PLA2G4B: variants seen among roughly 807,000 people sequenced by gnomAD.
The protein encoded by PLA2G4B is phospholipase A2 group IVB, also known as cytosolic phospholipase A2 beta.
PLA2G4B carries 122 observed loss-of-function variants against 95.8 expected under a neutral mutation model. The ratio of observed to expected loss-of-function variants is 1.27; its 90% CI spans 1.10 to 1.48. The LOEUF is 1.48. PLA2G4B is among the 40% of genes most tolerant of loss of function. PLA2G4B has a pLI of 0.00. For synonymous variants in PLA2G4B, 518 were observed against 421.5 expected (o/e 1.23, Z -2.80); for missense variants, 1,158 against 996.2 (o/e 1.16, Z -2.19).
chr15:41,842,486 A>T (rs2065451735), intron 9 of PLA2G4B, 68 bp from the exon 10 acceptor site: 1 of 1,598,338 alleles, frequency 6.3e-7, no homozygotes, highest in Non-Finnish European at 8.5e-7. Flanking sequence ...GCCGGGGATC[A>T]GGGTAAGAGG....
Position 41,846,655 on chromosome 15 carries a change from C to G in PLA2G4B, c.1781-14C>G. The G allele has an allele frequency of 6.3e-7, 1 of 1,597,748 alleles. No individual in the cohort carries two copies. Among genetic ancestry groups the G allele is most frequent in the Non-Finnish European group, 8.6e-7 (1 of 1,169,132 alleles). On this transcript the variant is annotated splice_polypyrimidine_tract_variant and intron_variant, in intron 17 of 19. Transcript: ENST00000458483. ...TGGTATCTGTGACAATTGCTGCTCTCCCCAACCTTCCAGCTACCACTCTGG... is the reference window on the plus strand; with the variant it reads ...TGGTATCTGTGACAATTGCTGCTCTGCCCAACCTTCCAGCTACCACTCTGG...
At chr15:41,840,261 G>A in intron 2 of PLA2G4B, 31 bp downstream of exon 2, 3 of 1,611,080 alleles carry the variant, frequency 1.9e-6, no homozygotes, top group East Asian at 4.5e-5. Flanking sequence ...CCCCTGTGCT[G>A]GGCTGAGGGA....
Position 41,841,585 on chromosome 15 carries a change from C to G in PLA2G4B, c.490+14C>G. The G allele has an allele frequency of 6.2e-7, 1 of 1,613,952 alleles. No homozygotes were observed. The highest frequency in any genetic ancestry group is 8.5e-7 in the Non-Finnish European group (1 of 1,179,964). On this transcript the variant is annotated intron_variant, in intron 7 of 19. Coordinates refer to ENST00000458483, the MANE Select transcript of PLA2G4B (RefSeq NM_001114633.2). The stretch of plus-strand genomic sequence containing the variant: ...GAGACCAGAAGTGTGAGTCCCCAAC[C>G]CACTGGGACAGCCCCTGGCTCTCAG...
At position 41,845,909 on chromosome 15, in the gene PLA2G4B, C is replaced by T. The variant is rs766552301; in HGVS notation, c.1496-34C>T. 5.5e-5 allele frequency: 84 copies of T among 1,514,698 alleles called. No individual in the cohort carries two copies. In the Middle Eastern group the frequency reaches 5.7e-4, roughly 10 times the overall value. The allele number at this position is 1,514,698 out of a possible 1,614,324, so 93.8% of individuals were successfully genotyped here. On this transcript the variant is annotated intron_variant, in intron 15 of 19. Coordinates refer to ENST00000458483, the MANE Select transcript of PLA2G4B (RefSeq NM_001114633.2). ...GGAAGGGTAGGATTGGGACAAGAGT[C>T]GGGGGCCCTCTTCCCTCACGGCCGC... is the stretch of plus-strand genomic sequence containing the variant.
In PLA2G4B at chr15:41,841,433, C is replaced by T. The variant is rs2065430191; in HGVS notation, c.436-84C>T. ...AAGGGCCCAGGTAATGAAGTGCAGACCAGCAGCAGCCAGGGTGCTGCGAGG... is the reference window on the plus strand; with the variant it reads ...AAGGGCCCAGGTAATGAAGTGCAGATCAGCAGCAGCCAGGGTGCTGCGAGG... On this transcript the variant is annotated intron_variant, in intron 6 of 19. Transcript: ENST00000458483. 3.1e-6 allele frequency: 5 copies of T among 1,610,916 alleles called. No homozygotes were observed. In the Admixed American group the frequency reaches 8.3e-5, roughly 27 times the overall value.
Position 41,841,534 on chromosome 15 carries a change from C to T in PLA2G4B, c.453C>T (p.Cys151=), listed in dbSNP as rs1056033053. 1 of 1,614,090 alleles carries T rather than the reference C, an allele frequency of 6.2e-7. No homozygotes were observed. The highest frequency in any genetic ancestry group is 8.5e-7 in the Non-Finnish European group (1 of 1,179,998). ...TGACTCAGGCCCGGGAGCTCTCCTGCTTGCACGTTCAACTGGAGGAGACAG... is the reference window on the plus strand; with the variant it reads ...TGACTCAGGCCCGGGAGCTCTCCTGTTTGCACGTTCAACTGGAGGAGACAG... ...NGVLVARELS[C]LHVQLEETGD... The change falls in exon 7 of 20, where the codon TGC becomes TGT. Residue 151 remains cysteine (C), a synonymous_variant. Coordinates refer to ENST00000458483, the MANE Select transcript of PLA2G4B (RefSeq NM_001114633.2).
Position 41,844,948 on chromosome 15 carries a change from G to T in PLA2G4B, c.1117G>T (p.Val373Leu). 1 of 1,612,100 alleles carries T rather than the reference G, an allele frequency of 6.2e-7. No individual in the cohort carries two copies. Among genetic ancestry groups the T allele is most frequent in the Non-Finnish European group, 8.5e-7 (1 of 1,179,310 alleles). The part of the protein sequence containing the change: ...KTQVTKNKLG[V>L]LAPSQLQRYR... The stretch of plus-strand genomic sequence containing the variant: ...CCAGGTGACCAAGAACAAGCTGGGT[G>T]TGCTGGCCCCCAGCCAGCTGCAGCG... Residue 373 changes from valine to leucine, a missense_variant, in exon 13 of 20, where the codon GTG becomes TTG. By Grantham distance (32) the Val-to-Leu change is conservative (BLOSUM62 1). Transcript: ENST00000458483.
At chr15:41,845,167 C>T (rs775930413) in intron 13 of PLA2G4B, 36 bp from the exon 14 acceptor site, 10 of 1,613,008 alleles carry the variant, frequency 6.2e-6, no homozygotes, top group Non-Finnish European at 8.5e-6. Context: ...GGCACCCAGG[C>T]CGCTGTGGGT....
chr15:41,845,897 TG>T (rs756803503), intron 15 of PLA2G4B, 45 bp from the exon 16 acceptor site: 2 of 1,516,488 alleles, frequency 1.3e-6, no homozygotes, highest in Non-Finnish European at 1.8e-6. Context: ...AGGGTAGGAT[TG>T]GGACAAGAGT....
In PLA2G4B at chr15:41,847,642, T is replaced by C. The variant is rs372706702; in HGVS notation, c.2135-7T>C. 1.2e-5 allele frequency: 20 copies of C among 1,613,370 alleles called. No homozygotes were observed. The South Asian group carries it at 1.6e-4, about 13-fold the overall frequency. On this transcript the variant is annotated splice_region_variant and splice_polypyrimidine_tract_variant and intron_variant, in intron 19 of 19. Coordinates refer to ENST00000458483, the MANE Select transcript of PLA2G4B (RefSeq NM_001114633.2). ...GTTCCCCATGCCAGGCTGCACTCTC[T>C]CCACAGGGGTCCGGCGGACACCCGA...
Position 41,840,587 on chromosome 15 carries a change from C to G in PLA2G4B, c.146C>G (p.Thr49Arg). ...ACGGCCTGCAGCCACAGGCTCCAGA[C>G]ACGCACGGTCAAGAACAGCAGTAGC... ...LPTACSHRLQ[T>R]RTVKNSSSPV... Residue 49 changes from threonine to arginine, a missense_variant, in exon 3 of 20, where the codon ACA becomes AGA. Physicochemically the swap from Thr to Arg is moderately conservative, Grantham distance 71 (BLOSUM62 -1). Transcript: ENST00000458483. 1 of 1,614,018 alleles carries G rather than the reference C, an allele frequency of 6.2e-7. No homozygotes were observed. The highest frequency in any genetic ancestry group is 1.1e-5 in the South Asian group (1 of 91,088).
In PLA2G4B at chr15:41,845,712, T is replaced by A; in HGVS notation, c.1432T>A (p.Ser478Thr). 6.2e-7 allele frequency: 1 copy of A among 1,613,186 alleles called. No individual in the cohort carries two copies. Among genetic ancestry groups the A allele is most frequent in the Non-Finnish European group, 8.5e-7 (1 of 1,179,658 alleles). ...GAFIPSELFG[S>T]EFFMGQLMKR... ...CTTCATCCCCTCTGAGCTCTTTGGC[T>A]CCGAGTTCTTTATGGGGCAGCTGAT... The change falls in exon 15 of 20, where the codon TCC becomes ACC. Residue 478 changes from serine to threonine, a missense_variant. Ser to Thr is a moderately conservative substitution (Grantham distance 58). Coordinates refer to ENST00000458483, the MANE Select transcript of PLA2G4B (RefSeq NM_001114633.2).
rs753441242 is a variant in PLA2G4B, at chr15:41,846,235, G to A, written c.1633G>A (p.Glu545Lys). The change falls in exon 17 of 20, where the codon GAA (glutamate) becomes AAA (lysine). Residue 545 changes from glutamate (E) to lysine (K), a missense_variant. Coordinates refer to ENST00000458483, the MANE Select transcript of PLA2G4B (RefSeq NM_001114633.2). ...KEQVPLLKIE[E>K]PPSTAGRIAE... is the part of the protein sequence containing the mutation. ...GCAGGTCCCCCTTCTGAAGATAGAA[G>A]AACCACCCTCAACAGCCGGCAGGAT... 1.2e-6 allele frequency: 2 copies of A among 1,614,034 alleles called. No individual in the cohort carries two copies. The highest frequency in any genetic ancestry group is 1.1e-5 in the South Asian group (1 of 91,060).
At chr15:41,844,447 A>C (rs773198716) in intron 11 of PLA2G4B, 24 bp from the exon 12 acceptor site, 4 of 1,613,874 alleles carry the variant, frequency 2.5e-6, no homozygotes, top group Non-Finnish European at 3.4e-6. Context: ...GGGCCTCTAC[A>C]GGCCTGGCTC....
Position 41,847,799 on chromosome 15 carries a change from AGCAGCTGCTGGAGGCTCTGCGCCAG to A in PLA2G4B, c.2290_2314del (p.Leu764CysfsTer19). On this transcript the variant is annotated frameshift_variant, in exon 20 of 20. Transcript: ENST00000458483. LOFTEE classifies it low-confidence loss of function (END_TRUNC). ...CATTACAATGTCTGCAACAACCAGG[AGCAGCTGCTGGAGGCTCTGCGCCAG>A]GCAGTGCAGCGGAGGCGGCAGCGCA... The A allele has an allele frequency of 6.2e-7, 1 of 1,609,312 alleles. No homozygotes were observed. Among genetic ancestry groups the A allele is most frequent in the Non-Finnish European group, 8.5e-7 (1 of 1,180,016 alleles).
At chr15:41,841,750 A>G (rs1461316820) in intron 7 of PLA2G4B, 69 bp from the exon 8 acceptor site, 2 of 1,589,216 alleles carry the variant, frequency 1.3e-6, no homozygotes, top group Non-Finnish European at 1.7e-6. Context: ...CCTCCAGGCC[A>G]CGCAGCAAGA....
In PLA2G4B at chr15:41,840,561, C is replaced by G; in HGVS notation, c.120C>G (p.Pro40=). Residue 40 remains proline (P), a synonymous_variant, in exon 3 of 20, where the codon CCC becomes CCG. Transcript: ENST00000458483. ...ACTGCTACGTGACTCTCTGGCTGCCCACGGCCTGCAGCCACAGGCTCCAGA... is the reference window on the plus strand; with the variant it reads ...ACTGCTACGTGACTCTCTGGCTGCCGACGGCCTGCAGCCACAGGCTCCAGA... ...PSDCYVTLWL[P]TACSHRLQTR... The G allele has an allele frequency of 6.2e-7, 1 of 1,613,908 alleles. No homozygotes were observed. The highest frequency in any genetic ancestry group is 8.5e-7 in the Non-Finnish European group (1 of 1,180,030).
In PLA2G4B at chr15:41,848,113, G is replaced by T; in HGVS notation, c.*253G>T. 1 of 586,804 alleles carries T rather than the reference G, an allele frequency of 1.7e-6. No homozygotes were observed. Among genetic ancestry groups the T allele is most frequent in the Non-Finnish European group, 3.0e-6 (1 of 330,258 alleles). 36.3% of individuals were successfully genotyped at this position (586,804 alleles called of 1,614,324 possible). On this transcript the variant is annotated 3_prime_UTR_variant, in exon 20 of 20. Coordinates refer to ENST00000458483, the MANE Select transcript of PLA2G4B (RefSeq NM_001114633.2). The stretch of plus-strand genomic sequence containing the variant: ...CCTTCTGCGCTACCTTGAGTAGTTG[G>T]AGCACTTGATACATCACAGACTCAT...
At chr15:41,841,391 T>C in intron 6 of PLA2G4B, 118 bp downstream of exon 6, 1 of 1,608,428 alleles carries the variant, frequency 6.2e-7, no homozygotes, top group Non-Finnish European at 8.5e-7. Flanking sequence ...TTCAGTTTGT[T>C]AAGGGAATAC....
Sources: allele counts gnomAD v4.1 joint callset, GRCh38; gene constraint gnomAD v4.1.1; transcripts MANE v1.5; gene names NCBI Gene and HGNC (gene_info 2026-07-23, HGNC 2026-07-21).